Variants in DGKB observed in about 807,000 individuals in gnomAD.
DGKB encodes the protein diacylglycerol kinase beta.
A neutral mutation model predicts 114.3 loss-of-function variants in DGKB; 67 were observed. That is an observed-to-expected ratio of 0.59 (90% CI 0.48 to 0.72). The LOEUF (loss-of-function observed/expected upper bound fraction) is 0.72. Among genes scored for constraint, DGKB ranks in the 30% least tolerant of loss-of-function variants. The pLI, the probability that DGKB is intolerant of heterozygous loss-of-function variation, is 0.00. For missense variants in DGKB, 907 were observed against 975.2 expected (o/e 0.93, Z 0.93); for synonymous variants, 398 against 323.1 (o/e 1.23, Z -2.49).
chr7:14,766,991 T>A (rs893134027), intron 2 of DGKB, among the ~76,000 whole-genome samples: 8 of 151,000 alleles, frequency 5.3e-5, no homozygotes, highest in East Asian at 3.9e-4. Context: ...AAAAAAAAAA[T>A]AAACCCAGAG....
chr7:14,788,892 G>A (rs963265549), intron 2 of DGKB, among the ~76,000 whole-genome samples: 51 of 151,926 alleles, frequency 3.4e-4, no homozygotes, highest in African/African-American at 9.7e-4. Context: ...TAAAAAAACC[G>A]TATGCCCAGG....
At chr7:14,154,783 A>T (rs1352104704) in intron 25 of DGKB, among the ~76,000 whole-genome samples, 1 of 151,966 alleles carries the variant, frequency 6.6e-6, no homozygotes, top group Non-Finnish European at 1.5e-5. Flanking sequence ...TCTAATGAGA[A>T]GATCTGTTGA....
chr7:14,670,292 T>TAA (rs1234755233), intron 13 of DGKB, among the ~76,000 whole-genome samples: 1 of 151,044 alleles, frequency 6.6e-6, no homozygotes, highest in East Asian at 2.0e-4. Flanking sequence ...ACTATATATA[T>TAA]ATATATATAC....
At chr7:14,890,895 C>T (rs1218881665) in intron 1 of DGKB, among the ~76,000 whole-genome samples, 1 of 150,830 alleles carries the variant, frequency 6.6e-6, no homozygotes, top group South Asian at 2.1e-4. Flanking sequence ...ATCCCTAAAT[C>T]TAACTTACGC....
In DGKB at chr7:14,605,849, G is replaced by T. The variant is rs1253786496; in HGVS notation, c.1433+1585C>A. 3.3e-5 allele frequency among the ~76,000 whole-genome samples: 5 copies of T among 152,058 alleles called. No homozygotes were observed. The East Asian group carries it at 9.7e-4, about 29-fold the overall frequency. ...TCACTGAGGACATGCTATGCAGTAA[G>T]TACATTGTTATTTGCTTCATAGGCA... On this transcript the variant is annotated intron_variant, in intron 17 of 25. Transcript: ENST00000402815.
At chr7:14,298,822 C>T (rs576948136) in intron 23 of DGKB, among the ~76,000 whole-genome samples, 4 of 152,220 alleles carry the variant, frequency 2.6e-5, no homozygotes, top group African/African-American at 9.6e-5. Context: ...CCAGCATCTA[C>T]AAAGAACTTA....
At chr7:14,302,676 C>T (rs1166135211) in intron 23 of DGKB, among the ~76,000 whole-genome samples, 6 of 151,844 alleles carry the variant, frequency 4.0e-5, no homozygotes, top group Non-Finnish European at 7.4e-5. Context: ...TCCTTCAGCC[C>T]CCTATTAATT....
intron 21 of DGKB, among the ~76,000 whole-genome samples, chr7:14,452,499 T>C (rs960045082): frequency 1.3e-5 from 2 of 152,088 alleles, no homozygotes; most frequent in Non-Finnish European, 2.9e-5. Flanking sequence ...AAAAAATATG[T>C]GGATAGCAGC....
chr7:14,446,694 T>G (rs1296484317), intron 21 of DGKB, among the ~76,000 whole-genome samples: 3 of 152,132 alleles, frequency 2.0e-5, no homozygotes, highest in Non-Finnish European at 1.5e-5. Context: ...AAAAGAAGTG[T>G]TTAAAGTACC....
intron 20 of DGKB, among the ~76,000 whole-genome samples, chr7:14,495,491 A>C (rs899170440): frequency 6.6e-6 from 1 of 151,828 alleles, no homozygotes; most frequent in African/African-American, 2.4e-5. Context: ...AAAGGACAGC[A>C]AAATAGACGA....
chr7:14,746,168 G>A (rs186697821), intron 4 of DGKB, among the ~76,000 whole-genome samples: 18 of 152,076 alleles, frequency 1.2e-4, no homozygotes, highest in East Asian at 5.8e-4. Context: ...GCAAAACCCC[G>A]TCTCTACTAA....
rs182929479 is a variant in DGKB at position 14,927,402 on chromosome 7, A to C, written c.-188+47294T>G. On this transcript the variant is annotated intron_variant, in intron 1 of 4. Transcript: ENST00000437998. ...TTTCTGAAAGTGGGTATGGCAAAAC[A>C]TCTGTTCTACCACACATTATCCTTA... Among the ~76,000 whole-genome samples, 103 of 152,122 alleles carry C rather than the reference A, an allele frequency of 6.8e-4. 1 individual carries two copies. Among genetic ancestry groups the C allele is most frequent in the African/African-American group, 2.4e-3 (100 of 41,552 alleles).
chr7:14,691,753 G>A (rs1437311957), intron 9 of DGKB, among the ~76,000 whole-genome samples: 2 of 151,756 alleles, frequency 1.3e-5, no homozygotes, highest in Admixed American at 1.3e-4. Context: ...AGATGGGGTG[G>A]GGGGCGGAAT....
Position 14,718,750 on chromosome 7 carries a change from T to C in DGKB, c.323-65A>G, listed in dbSNP as rs978165324. ...CAGTGATCTCAAACAGAAAACAAAT[T>C]AAGAAAATAGAGAACACACAGGCTA... On this transcript the variant is annotated intron_variant, in intron 5 of 25. Coordinates refer to ENST00000402815, the MANE Select transcript of DGKB (RefSeq NM_001350709.2). The C allele has an allele frequency of 1.3e-5, 16 of 1,242,120 alleles. No homozygotes were observed. The African/African-American group carries it at 2.0e-4, about 15-fold the overall frequency. The allele number at this position is 1,242,120 out of a possible 1,614,324, so 76.9% of individuals were successfully genotyped here.
chr7:14,419,978 C>T (rs767275310), intron 21 of DGKB, among the ~76,000 whole-genome samples: 2 of 151,966 alleles, frequency 1.3e-5, no homozygotes, highest in Non-Finnish European at 2.9e-5. Context: ...ATAATGTCAA[C>T]TTATACTGCT....
intron 23 of DGKB, among the ~76,000 whole-genome samples, chr7:14,178,700 G>A (rs915450743): frequency 6.6e-6 from 1 of 152,042 alleles, no homozygotes; most frequent in African/African-American, 2.4e-5. Flanking sequence ...CTGTACAGAA[G>A]TTCAAGAAAC....
intron 1 of DGKB, among the ~76,000 whole-genome samples, chr7:14,933,876 A>G (rs2128251909): frequency 6.6e-6 from 1 of 152,184 alleles, no homozygotes; most frequent in African/African-American, 2.4e-5. Flanking sequence ...AATTACAAAA[A>G]ATTGCTTTTT....
At chr7:14,744,946 G>T (rs1334874181) in intron 4 of DGKB, among the ~76,000 whole-genome samples, 4 of 152,114 alleles carry the variant, frequency 2.6e-5, no homozygotes, top group Admixed American at 2.0e-4. Flanking sequence ...TAATAATCTG[G>T]ATCAATATTT....
intron 2 of DGKB, among the ~76,000 whole-genome samples, chr7:14,765,435 T>A (rs1414044552): frequency 2.0e-5 from 3 of 152,040 alleles, no homozygotes; most frequent in Non-Finnish European, 2.9e-5. Context: ...TTTGAGAACA[T>A]GAAGAAAATT....
Sources: gnomAD v4.1 joint callset for allele counts (sites outside exome capture counted in the v4.1 genomes callset) on GRCh38, gnomAD v4.1.1 for gene constraint, MANE v1.5 for transcripts, NCBI Gene and HGNC (gene_info 2026-07-23, HGNC 2026-07-21) for gene names.